The following BABAM2 variants were observed in gnomAD, a reference collection of about 807,000 sequenced individuals.
BABAM2 encodes BRISC and BRCA1-A complex member 2.
A neutral mutation model predicts 54.7 loss-of-function variants in BABAM2; 31 were observed. That is an observed-to-expected ratio of 0.57 (90% CI 0.43 to 0.77). The LOEUF (loss-of-function observed/expected upper bound fraction) is 0.77. BABAM2 is among the 30% of genes least tolerant of loss of function. The probability of loss-of-function intolerance (pLI) is 0.00; values close to 1 mark genes in which losing one functional copy is unlikely to be tolerated. For synonymous variants in BABAM2, 167 were observed against 162.9 expected (o/e 1.03, Z -0.19); for missense variants, 364 against 455.8 (o/e 0.80, Z 1.83).
At chr2:27,939,720 C>T (rs1354656237) in intron 3 of BABAM2, among the ~76,000 whole-genome samples, 4 of 152,108 alleles carry the variant, frequency 2.6e-5, no homozygotes, top group Non-Finnish European at 5.9e-5. Flanking sequence ...ATGAAAATAG[C>T]ATGTAACTAA....
At chr2:28,089,569 C>T (rs1015874531) in intron 6 of BABAM2, among the ~76,000 whole-genome samples, 4 of 152,086 alleles carry the variant, frequency 2.6e-5, no homozygotes, top group African/African-American at 9.7e-5. Flanking sequence ...TTATGATAAC[C>T]TGACAAGAAA....
chr2:28,303,052 G>T (rs763351449), intron 11 of BABAM2, among the ~76,000 whole-genome samples: 1 of 151,392 alleles, frequency 6.6e-6, no homozygotes, highest in Non-Finnish European at 1.5e-5. Context: ...ACAATATTTC[G>T]CTATGTTGCC....
At chr2:27,951,037 A>C (rs1156485974) in intron 3 of BABAM2, among the ~76,000 whole-genome samples, 4 of 152,048 alleles carry the variant, frequency 2.6e-5, no homozygotes, top group African/African-American at 9.7e-5. Flanking sequence ...CTCCCCCGCA[A>C]CTGTTTTCTT....
At position 27,894,658 on chromosome 2, in the gene BABAM2, T is replaced by C; in HGVS notation, c.102T>C (p.Cys34=). 1 of 1,614,078 alleles carries C rather than the reference T, an allele frequency of 6.2e-7. No individual in the cohort carries two copies. Among genetic ancestry groups the C allele is most frequent in the Non-Finnish European group, 8.5e-7 (1 of 1,179,992 alleles). The change falls in exon 2 of 12, where the codon TGT becomes TGC. Residue 34 remains cysteine, a synonymous_variant. Transcript: ENST00000379624. ...NGKVGLDATN[C]LRITDLKSGC... is the part of the protein sequence containing the mutation. Reference sequence around the variant, plus strand: ...AAGTGGGACTGGATGCTACAAACTGTTTGAGGATAACTGACTTAAAATCTG... The same window carrying C: ...AAGTGGGACTGGATGCTACAAACTGCTTGAGGATAACTGACTTAAAATCTG...
chr2:27,983,686 T>C (rs563662381), intron 3 of BABAM2, among the ~76,000 whole-genome samples: 1 of 152,224 alleles, frequency 6.6e-6, no homozygotes, highest in Admixed American at 6.5e-5. Flanking sequence ...TTTTGTTAAG[T>C]TTATTCCTAA....
intron 5 of BABAM2, 26 bp downstream of exon 5, chr2:28,025,446 A>T (rs759605130): frequency 6.5e-7 from 1 of 1,537,928 alleles, no homozygotes; most frequent in South Asian, 1.3e-5. Context: ...AATGGAAAAA[A>T]AGATGACTTC....
At chr2:28,141,504 G>A (rs1160526786) in intron 7 of BABAM2, among the ~76,000 whole-genome samples, 2 of 152,100 alleles carry the variant, frequency 1.3e-5, no homozygotes, top group Non-Finnish European at 2.9e-5. Flanking sequence ...CCCTATTACT[G>A]CAGAATGAGA....
chr2:28,259,875 A>G (rs138727156), intron 10 of BABAM2, among the ~76,000 whole-genome samples: 27 of 150,808 alleles, frequency 1.8e-4, no homozygotes, highest in Admixed American at 1.7e-3. Context: ...AAGTCAGTTG[A>G]CCATATAAGT....
chr2:28,320,780 C>T (rs76776353), intron 11 of BABAM2, among the ~76,000 whole-genome samples: 7,600 of 152,288 alleles, frequency 0.05, 634 homozygotes, highest in African/African-American at 0.17. Flanking sequence ...AGGACACGGG[C>T]TTGCAGCTTC....
At chr2:28,259,673 C>A (rs1296797775) in intron 10 of BABAM2, among the ~76,000 whole-genome samples, 1 of 152,090 alleles carries the variant, frequency 6.6e-6, no homozygotes, top group African/African-American at 2.4e-5. Context: ...ACCGAGTTCA[C>A]AAATAATTTT....
intron 7 of BABAM2, among the ~76,000 whole-genome samples, chr2:28,207,625 A>C (rs934875040): frequency 1.3e-5 from 2 of 152,222 alleles, no homozygotes; most frequent in Non-Finnish European, 2.9e-5. Context: ...TGCTCAAAAA[A>C]TATTTAACTT....
At position 28,067,623 on chromosome 2, in the gene BABAM2, G is replaced by A. The variant is rs1002958286; in HGVS notation, c.570+21824G>A. Among the ~76,000 whole-genome samples the A allele has an allele frequency of 5.9e-5, 9 of 152,208 alleles. No individual in the cohort carries two copies. In the East Asian group the frequency reaches 1.5e-3, roughly 26 times the overall value. On this transcript the variant is annotated intron_variant, in intron 6 of 11. Transcript: ENST00000379624. ...TTGAGTGTGGAATGCCAGATTAAAG[G>A]ATTTGGATTTCATCAGTACACATTA...
At chr2:28,208,422 AAC>A (rs1353875068) in intron 7 of BABAM2, among the ~76,000 whole-genome samples, 1 of 152,220 alleles carries the variant, frequency 6.6e-6, no homozygotes, top group Non-Finnish European at 1.5e-5. Context: ...GAAAGATTCT[AAC>A]CCTAGTTTGC....
At chr2:28,299,411 G>A (rs1452118691) in intron 11 of BABAM2, among the ~76,000 whole-genome samples, 1 of 152,134 alleles carries the variant, frequency 6.6e-6, no homozygotes, top group African/African-American at 2.4e-5. Flanking sequence ...AGAAGCAGTG[G>A]ATCAAAATCA....
At chr2:28,250,041 A>G in intron 10 of BABAM2, among the ~76,000 whole-genome samples, 1 of 152,254 alleles carries the variant, frequency 6.6e-6, no homozygotes, top group East Asian at 1.9e-4. Context: ...ACAAAGTAAA[A>G]GGCTATGAAT....
chr2:28,266,963 C>T (rs183471995), intron 10 of BABAM2, among the ~76,000 whole-genome samples: 1 of 152,302 alleles, frequency 6.6e-6, no homozygotes, highest in African/African-American at 2.4e-5. Context: ...CGAGACCAGC[C>T]TGATCAACAT....
rs140144085 is a variant in BABAM2 at position 28,227,680 on chromosome 2, G to C, written c.681-9522G>C. On this transcript the variant is annotated intron_variant, in intron 7 of 11. Coordinates refer to ENST00000379624, the MANE Select transcript of BABAM2 (RefSeq NM_199191.3). ...CAAGTAGTCAGTGATCCCATGCCAC[G>C]GGGATGGGAGGCACATTTGCATTGA... 5.7e-3 allele frequency among the ~76,000 whole-genome samples: 868 copies of C among 152,186 alleles called. 14 individuals are homozygous for C. Among genetic ancestry groups the C allele is most frequent in the Non-Finnish European group, 6.2e-3 (419 of 68,008 alleles).
intron 7 of BABAM2, among the ~76,000 whole-genome samples, chr2:28,133,815 A>C (rs1439097832): frequency 1.3e-5 from 2 of 152,236 alleles, no homozygotes; most frequent in African/African-American, 2.4e-5. Context: ...TCCTGACAAA[A>C]GAGAACATCA....
At chr2:28,055,515 A>G (rs974122902) in intron 6 of BABAM2, among the ~76,000 whole-genome samples, 10 of 152,190 alleles carry the variant, frequency 6.6e-5, no homozygotes, top group African/African-American at 2.4e-4. Flanking sequence ...AGAATTCAAA[A>G]CTTAAATTTT....
Sources: allele counts gnomAD v4.1 joint callset (sites outside exome capture counted in the v4.1 genomes callset), GRCh38; gene constraint gnomAD v4.1.1; transcripts MANE v1.5; gene names NCBI Gene and HGNC (gene_info 2026-07-23, HGNC 2026-07-21).